Variants in PRTG observed in about 807,000 individuals in gnomAD.
The protein encoded by PRTG is immunoglobulin superfamily, DCC subclass, member 5.
Under a neutral mutation model 122.5 loss-of-function variants are expected in PRTG, and 67 were observed. The ratio of observed to expected loss-of-function variants is 0.55; its 90% confidence interval spans 0.45 to 0.67. The LOEUF is 0.67. Among genes scored for constraint, PRTG ranks in the 30% least tolerant of loss-of-function variants. The probability of loss-of-function intolerance (pLI) is 0.00; values close to 1 mark genes in which losing one functional copy is unlikely to be tolerated. For synonymous variants in PRTG, 554 were observed against 501.1 expected, an observed-to-expected ratio of 1.11 and a Z score of -1.41; for missense variants, 1,435 against 1,415.4, an observed-to-expected ratio of 1.01 and a Z score of -0.22.
Position 55,693,363 on chromosome 15 carries a change from GGAGAATTGCT to G in PRTG, c.398-9442_398-9433del, listed in dbSNP as rs1212447406. Reference sequence around the variant, plus strand: ...CCCAGCTACTTGGGAGGGTGAGGCAGGAGAATTGCTTGAACCCAGAAGGCGGAGGTTGCAG... The same window carrying G: ...CCCAGCTACTTGGGAGGGTGAGGCAGTGAACCCAGAAGGCGGAGGTTGCAG... On this transcript the variant is annotated intron_variant, in intron 2 of 19. Coordinates refer to ENST00000389286, the MANE Select transcript of PRTG (RefSeq NM_173814.6). 5.4e-3 allele frequency among the ~76,000 whole-genome samples: 819 copies of G among 152,206 alleles called. 7 individuals carry two copies. The highest frequency in any genetic ancestry group is 0.019 in the African/African-American group (791 of 41,550).
At chr15:55,714,456 C>T (rs935861991) in intron 2 of PRTG, among the ~76,000 whole-genome samples, 2 of 151,372 alleles carry the variant, frequency 1.3e-5, no homozygotes, top group South Asian at 4.2e-4. Flanking sequence ...ATCTTAAACT[C>T]CTGGCCTCAA....
Position 55,619,894 on chromosome 15 carries a change from C to T in PRTG, c.*118G>A. On this transcript the variant is annotated 3_prime_UTR_variant, in exon 20 of 20. Transcript: ENST00000389286. ...GAAAATCATTTTTATCAAAGCATAG[C>T]ATGGCAGATGGCGGCTGCAGAACTA... 1.3e-6 allele frequency: 2 copies of T among 1,503,038 alleles called. No individual in the cohort carries two copies. Among genetic ancestry groups the T allele is most frequent in the Non-Finnish European group, 1.8e-6 (2 of 1,116,064 alleles). The allele number at this position is 1,503,038 out of a possible 1,614,324, so 93.1% of individuals were successfully genotyped here.
intron 2 of PRTG, among the ~76,000 whole-genome samples, chr15:55,695,274 G>A (rs2059625957): frequency 6.6e-6 from 1 of 152,038 alleles, no homozygotes; most frequent in Non-Finnish European, 1.5e-5. Flanking sequence ...CTTCTAAAAG[G>A]TTGCAATGAA....
chr15:55,724,757 C>CA (rs1230792969), intron 2 of PRTG, among the ~76,000 whole-genome samples: 1 of 148,454 alleles, frequency 6.7e-6, no homozygotes, highest in African/African-American at 2.5e-5. Flanking sequence ...GACACAGTCT[C>CA]AAAAAAAATG....
At chr15:55,634,851 G>T (rs1025611188) in intron 15 of PRTG, among the ~76,000 whole-genome samples, 1 of 149,744 alleles carries the variant, frequency 6.7e-6, no homozygotes, top group African/African-American at 2.5e-5. Flanking sequence ...AAAAAAAAAA[G>T]AATACTGTGG....
intron 15 of PRTG, among the ~76,000 whole-genome samples, chr15:55,635,103 G>GTGTGTGTGTGTGTGTT (rs1171883359): frequency 1.8e-4 from 20 of 112,858 alleles, no homozygotes; most frequent in African/African-American, 7.3e-4. Context: ...GTGTGTGTGT[G>GTGTGTGTGTGTGTGTT]TTTTTTGAGA....
intron 7 of PRTG, among the ~76,000 whole-genome samples, 166 bp from the exon 8 acceptor site, chr15:55,678,210 T>C (rs138566862): frequency 1.7e-4 from 26 of 152,292 alleles, no homozygotes; most frequent in African/African-American, 5.8e-4. Context: ...TGAAGATTTT[T>C]TGGTGTGTTT....
chr15:55,683,268 A>C (rs775875186), intron 3 of PRTG, among the ~76,000 whole-genome samples: 6 of 152,182 alleles, frequency 3.9e-5, no homozygotes, highest in Non-Finnish European at 8.8e-5. Context: ...CTGCCAACTC[A>C]GGAGCAGGGC....
chr15:55,649,785 C>T (rs2059343695), intron 11 of PRTG, among the ~76,000 whole-genome samples: 1 of 149,266 alleles, frequency 6.7e-6, no homozygotes, highest in Non-Finnish European at 1.5e-5. Context: ...GAGCGAGACT[C>T]AGTCTCAATA....
intron 11 of PRTG, among the ~76,000 whole-genome samples, chr15:55,661,058 G>C (rs1219510766): frequency 6.6e-6 from 1 of 152,098 alleles, no homozygotes; most frequent in Non-Finnish European, 1.5e-5. Context: ...TAAAGTGATA[G>C]GGGATTCCAC....
Position 55,680,633 on chromosome 15 carries a change from G to T in PRTG, c.677-5C>A. On this transcript the variant is annotated splice_region_variant and splice_polypyrimidine_tract_variant and intron_variant, in intron 4 of 19. Coordinates refer to ENST00000389286, the MANE Select transcript of PRTG (RefSeq NM_173814.6). ...GGAAGGATTTTGACTCCTTAGCTTT[G>T]GGGAGGAAAAGACAGAATATAAAAA... 1 of 1,492,800 alleles carries T rather than the reference G, an allele frequency of 6.7e-7. No individual in the cohort carries two copies. Among genetic ancestry groups the T allele is most frequent in the Non-Finnish European group, 9.0e-7 (1 of 1,116,922 alleles). 92.5% of individuals were successfully genotyped at this position (1,492,800 alleles called of 1,614,324 possible).
chr15:55,742,728 G>C (rs2031653413), intron 1 of PRTG, 110 bp downstream of exon 1: 1 of 1,355,982 alleles, frequency 7.4e-7, no homozygotes, highest in African/African-American at 1.5e-5. Flanking sequence ...CGCCACCACG[G>C]AGGACCCCGC....
intron 11 of PRTG, among the ~76,000 whole-genome samples, chr15:55,649,505 T>A (rs1351335854): frequency 6.6e-6 from 1 of 151,564 alleles, no homozygotes; most frequent in African/African-American, 2.4e-5. Flanking sequence ...TCAATAGTAG[T>A]GGGGCACGGT....
intron 2 of PRTG, among the ~76,000 whole-genome samples, chr15:55,716,170 T>C (rs541991599): frequency 1.3e-5 from 2 of 152,256 alleles, no homozygotes; most frequent in African/African-American, 2.4e-5. Flanking sequence ...GAGGCGGAAG[T>C]TGCAGTGAGC....
At chr15:55,657,188 T>C (rs1439216129) in intron 11 of PRTG, among the ~76,000 whole-genome samples, 3 of 152,100 alleles carry the variant, frequency 2.0e-5, no homozygotes, top group African/African-American at 4.8e-5. Flanking sequence ...CACAGAAAAA[T>C]AGGCCTTTTA....
intron 11 of PRTG, among the ~76,000 whole-genome samples, chr15:55,647,439 A>C (rs1242907478): frequency 6.6e-6 from 1 of 152,236 alleles, no homozygotes. Flanking sequence ...TCAATCTACC[A>C]AACAGGCTGA....
chr15:55,632,101 A>G (rs955811293), intron 15 of PRTG, among the ~76,000 whole-genome samples: 2 of 152,132 alleles, frequency 1.3e-5, no homozygotes, highest in African/African-American at 4.8e-5. Flanking sequence ...ATAACTAGAT[A>G]TATCTATAGT....
rs1398709627 is a variant in PRTG at position 55,706,002 on chromosome 15, C to A, written c.398-22071G>T. On this transcript the variant is annotated intron_variant, in intron 2 of 19. Transcript: ENST00000389286. ...AGCTGGGATTACATGCGCATGCCAC[C>A]ATGCCCAGCTAATTTTTTTTTTTTT... is the stretch of plus-strand genomic sequence containing the variant. 2.8e-5 allele frequency among the ~76,000 whole-genome samples: 4 copies of A among 143,590 alleles called. No homozygotes were observed. The Admixed American group carries it at 2.9e-4, about 10-fold the overall frequency. The allele number at this position is 143,590 out of a possible 152,430, so 94.2% of individuals were successfully genotyped here. A position where few individuals can be genotyped will look rare whatever the true frequency, so the allele number is the denominator to read the frequency against.
chr15:55,624,319 C>A (rs1320466099), intron 18 of PRTG, 23 bp downstream of exon 18: 2 of 1,607,046 alleles, frequency 1.2e-6, no homozygotes, highest in Admixed American at 1.7e-5. Context: ...ACGGCTTATG[C>A]AGCAAATCCC....
Sources: gnomAD v4.1 joint callset for allele counts (sites outside exome capture counted in the v4.1 genomes callset) on GRCh38, gnomAD v4.1.1 for gene constraint, MANE v1.5 for transcripts, NCBI Gene and HGNC (gene_info 2026-07-23, HGNC 2026-07-21) for gene names.